The following FMO4 variants were observed in gnomAD, a reference collection of about 807,000 sequenced individuals.
FMO4 encodes the protein flavin containing dimethylaniline monoxygenase 4, also known as dimethylaniline monooxygenase [N-oxide-forming] 4.
Under a neutral mutation model 43.3 loss-of-function variants are expected in FMO4, and 38 were observed. The observed-to-expected ratio is 0.88, with a 90% CI of 0.68 to 1.15. FMO4 has a LOEUF of 1.15. Among genes scored for constraint, FMO4 ranks in the 50% most tolerant of loss-of-function variants. The probability of loss-of-function intolerance (pLI) is 0.00; values close to 1 mark genes in which losing one functional copy is unlikely to be tolerated. For synonymous variants in FMO4, 224 were observed against 232.2 expected (o/e 0.96, Z 0.32); for missense variants, 631 against 663.3 (o/e 0.95, Z 0.54).
chr1:171,335,792 C>A (rs1451146621), intron 8 of FMO4, among the ~76,000 whole-genome samples: 1 of 152,032 alleles, frequency 6.6e-6, no homozygotes, highest in African/African-American at 2.4e-5. Flanking sequence ...ATTTACATTA[C>A]AGAAAAAAAT....
intron 5 of FMO4, among the ~76,000 whole-genome samples, chr1:171,330,927 TAAG>T (rs1310848128): frequency 8.5e-5 from 13 of 152,200 alleles, no homozygotes; most frequent in Admixed American, 5.2e-4. Context: ...GTAAATAACA[TAAG>T]AATAAAACAC....
intron 1 of FMO4, among the ~76,000 whole-genome samples, chr1:171,314,715 G>C (rs575812657): frequency 6.6e-6 from 1 of 152,248 alleles, no homozygotes; most frequent in African/African-American, 2.4e-5. Context: ...GAATGAGATG[G>C]AAATGCCAGC....
At position 171,318,856 on chromosome 1, in the gene FMO4, A is replaced by G. The variant is rs1384604794; in HGVS notation, c.-8-962A>G. ...GGAAGAGTTCCCTGAGCCCCCGCAG[A>G]ACTTGCTACAGGGGTGTGGCTTGTT... On this transcript the variant is annotated intron_variant, in intron 2 of 9. Coordinates refer to ENST00000367749, the MANE Select transcript of FMO4 (RefSeq NM_002022.3). Among the ~76,000 whole-genome samples the G allele has an allele frequency of 1.1e-4, 17 of 152,322 alleles. No homozygotes were observed. The East Asian group carries it at 3.1e-3, about 28-fold the overall frequency.
intron 2 of FMO4, among the ~76,000 whole-genome samples, chr1:171,318,647 G>A (rs964485108): frequency 6.6e-6 from 1 of 152,096 alleles, no homozygotes; most frequent in African/African-American, 2.4e-5. Flanking sequence ...TATTCAAAAA[G>A]TTTTGGATTT....
chr1:171,328,694 C>T (rs1174779547), intron 5 of FMO4, among the ~76,000 whole-genome samples: 1 of 151,616 alleles, frequency 6.6e-6, no homozygotes, highest in Non-Finnish European at 1.5e-5. Flanking sequence ...TGCCTTTTGT[C>T]CTCACATTCC....
intron 5 of FMO4, among the ~76,000 whole-genome samples, chr1:171,324,662 A>G (rs1415710684): frequency 6.6e-6 from 1 of 152,172 alleles, no homozygotes; most frequent in African/African-American, 2.4e-5. Context: ...TAGAACTTAC[A>G]GGAAGTGAGA....
At chr1:171,315,057 C>T (rs1382625521) in intron 1 of FMO4, among the ~76,000 whole-genome samples, 2 of 152,114 alleles carry the variant, frequency 1.3e-5, no homozygotes, top group African/African-American at 2.4e-5. Flanking sequence ...TTTGGAAAGC[C>T]GAGGAGGGCA....
chr1:171,330,823 T>A (rs1223748507), intron 5 of FMO4, among the ~76,000 whole-genome samples: 1 of 152,182 alleles, frequency 6.6e-6, no homozygotes, highest in Non-Finnish European at 1.5e-5. Context: ...AGAAGAAATA[T>A]TTGTAGTCTT....
At position 171,341,412 on chromosome 1, in the gene FMO4, G is replaced by A; in HGVS notation, c.1251-1G>A. 4 of 1,610,800 alleles carry A rather than the reference G, an allele frequency of 2.5e-6. No homozygotes were observed. The highest frequency in any genetic ancestry group is 3.4e-6 in the Non-Finnish European group (4 of 1,178,494). ...AGGTCCTCCCTCTTTTTTCCTCTCA[G>A]GGGAGTGTTTAAAGACACCAGCAAA... is the stretch of plus-strand genomic sequence containing the variant. On this transcript the variant is annotated splice_acceptor_variant, in intron 9 of 9. Coordinates refer to ENST00000367749, the MANE Select transcript of FMO4 (RefSeq NM_002022.3). LOFTEE classifies it high-confidence loss of function.
In FMO4 at chr1:171,334,679, G is replaced by C. The variant is rs147618632; in HGVS notation, c.1096G>C (p.Ala366Pro). ...CTTAAACCTAGAGAGAGCGACATTA[G>C]CCATCATCGGCCTTATCGGCCTTAA... ...FPLNLERATL[A>P]IIGLIGLKGS... The change falls in exon 8 of 10, where the codon GCC (alanine) becomes CCC (proline). Residue 366 changes from alanine to proline, a missense_variant. Ala to Pro is a conservative substitution (Grantham distance 27, BLOSUM62 -1). Transcript: ENST00000367749. 5.9e-4 allele frequency: 948 copies of C among 1,613,584 alleles called. 1 individual carries two copies. The Middle Eastern group carries it at 7.4e-3, about 13-fold the overall frequency.
chr1:171,339,459 A>ACAG, intron 9 of FMO4, among the ~76,000 whole-genome samples: 1 of 152,286 alleles, frequency 6.6e-6, no homozygotes, highest in Non-Finnish European at 1.5e-5. Flanking sequence ...CCATCACGCT[A>ACAG]CAGCAGCAGC....
At chr1:171,333,719 T>A (rs540978055) in intron 7 of FMO4, among the ~76,000 whole-genome samples, 1 of 152,322 alleles carries the variant, frequency 6.6e-6, no homozygotes, top group African/African-American at 2.4e-5. Context: ...GTCCTTCAAC[T>A]TATGAGGAAA....
chr1:171,315,320 C>A (rs970903540), intron 1 of FMO4, among the ~76,000 whole-genome samples: 2 of 152,138 alleles, frequency 1.3e-5, no homozygotes, highest in African/African-American at 4.8e-5. Flanking sequence ...ATATAAGCAC[C>A]TTTGAGCAAC....
chr1:171,319,250 C>A (rs966121445), intron 2 of FMO4, among the ~76,000 whole-genome samples: 10 of 152,106 alleles, frequency 6.6e-5, no homozygotes, highest in Non-Finnish European at 4.4e-5. Context: ...TGGAGTTTGG[C>A]CATCCTGGGC....
chr1:171,324,213 G>A lies in FMO4; in HGVS notation c.397G>A (p.Gly133Ser), dbSNP rs751444772. 2 of 1,613,608 alleles carry A rather than the reference G, an allele frequency of 1.2e-6. No individual in the cohort carries two copies. The highest frequency in any genetic ancestry group is 1.7e-5 in the Admixed American group (1 of 59,972). ...GQWDVVTETE[G>S]KQNRAVFDAV... ...GTGGGATGTTGTCACAGAGACAGAG[G>A]GCAAGCAAAATAGAGCTGTCTTTGA... The change falls in exon 5 of 10, where the codon GGC (glycine) becomes AGC (serine). Residue 133 changes from glycine (G) to serine (S), a missense_variant. Gly to Ser is a moderately conservative substitution (Grantham distance 56, BLOSUM62 0). Coordinates refer to ENST00000367749, the MANE Select transcript of FMO4 (RefSeq NM_002022.3).
intron 5 of FMO4, among the ~76,000 whole-genome samples, chr1:171,330,611 A>G (rs1413932697): frequency 6.6e-6 from 1 of 152,170 alleles, no homozygotes; most frequent in African/African-American, 2.4e-5. Context: ...TCCTAAAACC[A>G]TCATATCTCG....
rs538364458 is a variant in FMO4 at position 171,321,049 on chromosome 1, G to GA, written c.132+1102dup. ...ACCCTAGGATTATAGTATACTAGGA[G>GA]AAAAAAAAAATGGTATATTGTTAAC... On this transcript the variant is annotated intron_variant, in intron 3 of 9. Transcript: ENST00000367749. Among the ~76,000 whole-genome samples, 286 of 146,820 alleles carry GA rather than the reference G, an allele frequency of 1.9e-3. 2 individuals are homozygous for GA. The highest frequency in any genetic ancestry group is 6.0e-3 in the African/African-American group (236 of 39,204).
chr1:171,315,714 A>G (rs1421864109), intron 1 of FMO4, among the ~76,000 whole-genome samples: 2 of 152,226 alleles, frequency 1.3e-5, no homozygotes, highest in Non-Finnish European at 2.9e-5. Flanking sequence ...TAGTCTGTAA[A>G]TACGGATTAA....
rs780555012 is a variant in FMO4 at position 171,337,412 on chromosome 1, C to T, written c.1237C>T (p.Gln413Ter). ...GATGATGGAGGCTACTGAAAAGGAA[C>T]AGCTCATTAAAAGGTATGAAATGTA... ...KLMMEATEKEQLIKRGVFKDT... is the reference protein window; with the variant it reads ...KLMMEATEKE The change falls in exon 9 of 10, where the codon CAG (glutamine) becomes TAG (stop). Residue 413 changes from glutamine (Q) to a stop codon, truncating the protein, a stop_gained. Coordinates refer to ENST00000367749, the MANE Select transcript of FMO4 (RefSeq NM_002022.3). LOFTEE classifies it low-confidence loss of function (END_TRUNC). The T allele has an allele frequency of 1.1e-5, 17 of 1,609,558 alleles. No individual in the cohort carries two copies. Among genetic ancestry groups the T allele is most frequent in the Admixed American group, 3.3e-5 (2 of 59,960 alleles).
Sources: gnomAD v4.1 joint callset for allele counts (sites outside exome capture counted in the v4.1 genomes callset) on GRCh38, gnomAD v4.1.1 for gene constraint, MANE v1.5 for transcripts, NCBI Gene and HGNC (gene_info 2026-07-23, HGNC 2026-07-21) for gene names.